The following PDE4D variants were observed in gnomAD, a reference collection of about 807,000 sequenced individuals.
PDE4D encodes the protein 3',5'-cyclic-AMP phosphodiesterase 4D.
A neutral mutation model predicts 87.4 loss-of-function variants in PDE4D; 24 were observed. That is an observed-to-expected ratio of 0.27 (90% confidence interval 0.20 to 0.39). The LOEUF is 0.39. PDE4D is among the 10% of genes least tolerant of loss of function. The pLI, the probability that PDE4D is intolerant of heterozygous loss-of-function variation, is 1.00. For missense variants in PDE4D, 714 were observed against 1,041.0 expected (o/e 0.69, Z 4.32); for synonymous variants, 384 against 383.2 (o/e 1.00, Z -0.02).
intron 1 of PDE4D, among the ~76,000 whole-genome samples, chr5:59,482,762 T>C (rs1261572296): frequency 6.6e-6 from 1 of 152,118 alleles, no homozygotes; most frequent in African/African-American, 2.4e-5. Context: ...AATTTCCTTC[T>C]TATGCTCCTC....
rs189586600 is a variant in PDE4D at position 60,257,318 on chromosome 5, T to C, written c.-89-71631A>G. Among the ~76,000 whole-genome samples, 20 of 151,942 alleles carry C rather than the reference T, an allele frequency of 1.3e-4. No homozygotes were observed. In the East Asian group the frequency reaches 3.1e-3, roughly 24 times the overall value. On this transcript the variant is annotated intron_variant, in intron 1 of 16. Coordinates refer to the PDE4D transcript ENST00000502484. ...CAAAATCATATTTGGAAAAACCTCT[T>C]CTATCCTCAAATCATTTCTACACAA...
intron 1 of PDE4D, among the ~76,000 whole-genome samples, chr5:60,216,616 A>C (rs529759271): frequency 2.6e-5 from 4 of 152,258 alleles, no homozygotes; most frequent in African/African-American, 9.6e-5. Flanking sequence ...CCATGTAAAG[A>C]GTTAACCAAA....
chr5:59,088,576 T>G (rs1449821531), intron 5 of PDE4D, among the ~76,000 whole-genome samples: 1 of 152,068 alleles, frequency 6.6e-6, no homozygotes, highest in Non-Finnish European at 1.5e-5. Context: ...GTAGACAGGA[T>G]AAAGCAAATG....
At chr5:59,185,068 T>C in intron 4 of PDE4D, 121 bp downstream of exon 4, 1 of 672,830 alleles carries the variant, frequency 1.5e-6, no homozygotes, top group Middle Eastern at 2.5e-4. Flanking sequence ...TATGACTTAG[T>C]ATACACAGAC....
chr5:60,191,741 C>T (rs1035329311), intron 1 of PDE4D, among the ~76,000 whole-genome samples: 1 of 152,134 alleles, frequency 6.6e-6, no homozygotes, highest in African/African-American at 2.4e-5. Flanking sequence ...TCGTGCCTGT[C>T]ATCCCAGCAC....
intron 1 of PDE4D, among the ~76,000 whole-genome samples, chr5:60,428,495 G>T (rs894748464): frequency 1.3e-5 from 2 of 152,088 alleles, no homozygotes; most frequent in African/African-American, 4.8e-5. Flanking sequence ...ATGCCTGAAG[G>T]TATGTAAATG....
intron 1 of PDE4D, among the ~76,000 whole-genome samples, chr5:59,354,911 G>A (rs1009284694): frequency 1.3e-5 from 2 of 152,152 alleles, no homozygotes; most frequent in African/African-American, 4.8e-5. Context: ...CCTCCAAACA[G>A]TGAAAGCAGC....
chr5:59,547,862 T>C (rs1188153727), intron 1 of PDE4D, among the ~76,000 whole-genome samples: 1 of 152,184 alleles, frequency 6.6e-6, no homozygotes, highest in African/African-American at 2.4e-5. Context: ...TCAGTCACAA[T>C]TGACTCAAGG....
intron 5 of PDE4D, among the ~76,000 whole-genome samples, chr5:59,100,089 C>A (rs1360926253): frequency 6.6e-6 from 1 of 152,200 alleles, no homozygotes; most frequent in Admixed American, 6.5e-5. Flanking sequence ...TCCAACCTAT[C>A]TCCCAAACTG....
At chr5:59,902,950 GTTTAGT>G (rs1180408166) in intron 3 of PDE4D, among the ~76,000 whole-genome samples, 2 of 152,138 alleles carry the variant, frequency 1.3e-5, no homozygotes, top group Admixed American at 6.5e-5. Context: ...TCCTCTCAAA[GTTTAGT>G]TTTAAAGTTT....
intron 2 of PDE4D, among the ~76,000 whole-genome samples, chr5:60,078,724 T>C (rs1434733767): frequency 6.6e-6 from 1 of 152,250 alleles, no homozygotes; most frequent in Non-Finnish European, 1.5e-5. Context: ...TCTCATTCCT[T>C]TTAATGGCTG....
intron 1 of PDE4D, among the ~76,000 whole-genome samples, chr5:60,470,749 AT>A (rs1747755040): frequency 6.6e-6 from 1 of 152,054 alleles, no homozygotes; most frequent in Non-Finnish European, 1.5e-5. Flanking sequence ...GGTTTACCGA[AT>A]TTTTTAAGCC....
intron 1 of PDE4D, among the ~76,000 whole-genome samples, chr5:59,406,167 T>C (rs1791574098): frequency 6.6e-6 from 1 of 152,168 alleles, no homozygotes; most frequent in South Asian, 2.1e-4. Flanking sequence ...TGGGCTTTTC[T>C]TTACTGGGAG....
chr5:59,840,889 G>A (rs998876398), intron 1 of PDE4D, among the ~76,000 whole-genome samples: 10 of 152,082 alleles, frequency 6.6e-5, no homozygotes, highest in Non-Finnish European at 2.9e-5. Context: ...GGGAGTTATA[G>A]ATGAGAGAAA....
intron 1 of PDE4D, among the ~76,000 whole-genome samples, chr5:60,466,536 A>C (rs1747368386): frequency 1.3e-5 from 2 of 152,200 alleles, no homozygotes; most frequent in South Asian, 4.1e-4. Context: ...GTCTGGCTTA[A>C]CATTTTACAA....
intron 1 of PDE4D, among the ~76,000 whole-genome samples, chr5:59,412,818 G>A (rs1331474325): frequency 1.3e-5 from 2 of 152,186 alleles, no homozygotes; most frequent in African/African-American, 4.8e-5. Context: ...TACTCAATGA[G>A]AAGTCATAAC....
At chr5:59,379,866 T>C (rs1200744584) in intron 1 of PDE4D, among the ~76,000 whole-genome samples, 4 of 152,166 alleles carry the variant, frequency 2.6e-5, no homozygotes, top group Admixed American at 6.5e-5. Flanking sequence ...AGGGGCTACA[T>C]GTACAGGTTT....
At chr5:59,859,536 T>C (rs1404694197) in intron 1 of PDE4D, among the ~76,000 whole-genome samples, 1 of 152,222 alleles carries the variant, frequency 6.6e-6, no homozygotes, top group Non-Finnish European at 1.5e-5. Context: ...CATTTGTCTT[T>C]ATAAGGTAAG....
At chr5:60,261,972 C>G (rs1489008186) in intron 1 of PDE4D, among the ~76,000 whole-genome samples, 1 of 152,056 alleles carries the variant, frequency 6.6e-6, no homozygotes, top group Admixed American at 6.6e-5. Context: ...TTGACAGAAC[C>G]AAATTTCAGT....
Sources: gnomAD v4.1 joint callset for allele counts (sites outside exome capture counted in the v4.1 genomes callset) on GRCh38, gnomAD v4.1.1 for gene constraint, MANE v1.5 for transcripts, NCBI Gene and HGNC (gene_info 2026-07-23, HGNC 2026-07-21) for gene names.